NEK11: variants seen among roughly 807,000 people sequenced by gnomAD.
NEK11 encodes serine/threonine-protein kinase Nek11.
NEK11 carries 72 observed loss-of-function variants against 80.7 expected under a neutral mutation model. The ratio of observed to expected loss-of-function variants is 0.89; its 90% CI spans 0.74 to 1.08. The LOEUF (loss-of-function observed/expected upper bound fraction) is 1.08, where lower values mean the gene tolerates loss of function less well. Among genes scored for constraint, NEK11 ranks in the 50% least tolerant of loss-of-function variants. The probability of loss-of-function intolerance (pLI) is 0.00; values close to 1 mark genes in which losing one functional copy is unlikely to be tolerated. For missense variants in NEK11, 764 were observed against 763.6 expected (o/e 1.00, Z -0.01); for synonymous variants, 251 against 260.7 (o/e 0.96, Z 0.36).
rs115712751 is a variant in NEK11, at chr3:131,172,696, A to T, written c.1399+1809A>T. On this transcript the variant is annotated intron_variant, in intron 14 of 17. Transcript: ENST00000383366. ...GAAATGTCAGAGACATTAGAACCAG[A>T]GCGACTCCATCTTGAATAAGAGCTG... Among the ~76,000 whole-genome samples the T allele has an allele frequency of 3.5e-3, 528 of 152,264 alleles. 1 individual carries two copies. The highest frequency in any genetic ancestry group is 0.012 in the African/African-American group (502 of 41,554).
At chr3:131,165,136 T>A (rs2092079774) in intron 11 of NEK11, 1 of 318,352 alleles carries the variant, frequency 3.1e-6, no homozygotes, top group African/African-American at 2.1e-5. Context: ...TGGGAACACA[T>A]AGCCCTGTCA....
chr3:131,343,102 A>AT (rs1429743979), intron 17 of NEK11, among the ~76,000 whole-genome samples: 3 of 152,158 alleles, frequency 2.0e-5, no homozygotes, highest in African/African-American at 7.2e-5. Context: ...TTTGTTGGGA[A>AT]TAGAGATCAA....
At chr3:131,238,111 A>G (rs11928796) in intron 15 of NEK11, among the ~76,000 whole-genome samples, 6,349 of 152,108 alleles carry the variant, frequency 0.042, 191 homozygotes, top group East Asian at 0.085. Flanking sequence ...TGCTCTTCCC[A>G]CCAGATACAC....
intron 16 of NEK11, among the ~76,000 whole-genome samples, chr3:131,245,588 G>T (rs1472925749): frequency 6.6e-6 from 1 of 151,730 alleles, no homozygotes; most frequent in East Asian, 1.9e-4. Context: ...CTTTTTCTCT[G>T]TATCCTCATC....
At chr3:131,125,434 AT>A (rs1449970808) in intron 5 of NEK11, among the ~76,000 whole-genome samples, 1 of 152,212 alleles carries the variant, frequency 6.6e-6, no homozygotes, top group Non-Finnish European at 1.5e-5. Context: ...TTTGGTGGGC[AT>A]GTAACTGAGA....
Position 131,349,708 on chromosome 3 carries a change from C to T in NEK11, c.1870C>T (p.Leu624Phe), listed in dbSNP as rs2097426161. 1 of 1,614,210 alleles carries T rather than the reference C, an allele frequency of 6.2e-7. No homozygotes were observed. The highest frequency in any genetic ancestry group is 8.5e-7 in the Non-Finnish European group (1 of 1,180,032). ...QASDCFEVDQ[L>F]LYFEEQLLIT... ...CAGCGACTGTTTTGAAGTGGACCAG[C>T]TCCTGTACTTTGAAGAGCAGTTGCT... Residue 624 changes from leucine (L) to phenylalanine (F), a missense_variant, in exon 18 of 18, where the codon CTC becomes TTC. Transcript: ENST00000383366.
intron 11 of NEK11, among the ~76,000 whole-genome samples, chr3:131,164,305 C>T (rs1031378913): frequency 1.3e-5 from 2 of 152,140 alleles, no homozygotes; most frequent in Non-Finnish European, 2.9e-5. Flanking sequence ...AATATGATAC[C>T]ATTTAATATT....
At chr3:131,206,708 T>C (rs1335714803) in intron 14 of NEK11, among the ~76,000 whole-genome samples, 4 of 152,238 alleles carry the variant, frequency 2.6e-5, no homozygotes, top group Non-Finnish European at 4.4e-5. Context: ...CTAGGGTACA[T>C]GTGCACAACG....
In NEK11 at chr3:131,081,929, C is replaced by T. The variant is rs189215913; in HGVS notation, c.336+1341C>T. Among the ~76,000 whole-genome samples, 5 of 152,300 alleles carry T rather than the reference C, an allele frequency of 3.3e-5. No homozygotes were observed. In the East Asian group the frequency reaches 9.6e-4, roughly 29 times the overall value. On this transcript the variant is annotated intron_variant, in intron 4 of 17. Transcript: ENST00000383366. ...GCTTTACACATTAGCTGATGTATCA[C>T]CCAAAATGAAACCAATAGCCAAGTT...
intron 15 of NEK11, among the ~76,000 whole-genome samples, chr3:131,237,055 T>C (rs1298445742): frequency 5.9e-5 from 9 of 152,084 alleles, no homozygotes; most frequent in Non-Finnish European, 1.2e-4. Flanking sequence ...AAAAAGTAGG[T>C]GGGGCTGGGT....
intron 17 of NEK11, among the ~76,000 whole-genome samples, chr3:131,340,473 T>C (rs562944580): frequency 6.6e-6 from 1 of 152,256 alleles, no homozygotes; most frequent in South Asian, 2.1e-4. Context: ...TAAGTAGATG[T>C]GATAAAATGT....
At chr3:131,057,125 A>C (rs2069691239) in intron 3 of NEK11, among the ~76,000 whole-genome samples, 1 of 142,742 alleles carries the variant, frequency 7.0e-6, no homozygotes, top group African/African-American at 2.6e-5. Context: ...TCTATGAGTG[A>C]GAACACGCGG....
At chr3:131,046,498 T>C (rs1343078901) in intron 3 of NEK11, among the ~76,000 whole-genome samples, 2 of 152,226 alleles carry the variant, frequency 1.3e-5, no homozygotes, top group East Asian at 1.9e-4. Flanking sequence ...TTTTCCTTTA[T>C]AGGTTACTTG....
Position 131,113,910 on chromosome 3 carries a change from C to CA in NEK11, c.455+4008dup, listed in dbSNP as rs35868059. Among the ~76,000 whole-genome samples the CA allele has an allele frequency of 7.8e-3, 790 of 101,500 alleles. 7 individuals carry two copies. Among genetic ancestry groups the CA allele is most frequent in the South Asian group, 0.046 (141 of 3,098 alleles). The allele number at this position is 101,500 out of a possible 152,430, so 66.6% of individuals were successfully genotyped here. ...TGGGTGACAGTGCAAGACTCCCTCT[C>CA]AAAAAAAAAAAAAAAAAAAGGCAAT... On this transcript the variant is annotated intron_variant, in intron 5 of 17. Coordinates refer to ENST00000383366, the MANE Select transcript of NEK11 (RefSeq NM_024800.5).
chr3:131,123,986 A>G lies in NEK11; in HGVS notation c.456-8759A>G, dbSNP rs559384294. Among the ~76,000 whole-genome samples the G allele has an allele frequency of 5.3e-5, 8 of 152,258 alleles. No homozygotes were observed. In the South Asian group the frequency reaches 1.7e-3, roughly 32 times the overall value. On this transcript the variant is annotated intron_variant, in intron 5 of 17. Transcript: ENST00000383366. Reference sequence around the variant, plus strand: ...GCTGAGCAGTATTCTCTGGGGTTCTAGTTCTTTCTCTTTATTCCACCATTC... The same window carrying G: ...GCTGAGCAGTATTCTCTGGGGTTCTGGTTCTTTCTCTTTATTCCACCATTC...
chr3:131,084,929 AG>A (rs1402300530), intron 4 of NEK11, among the ~76,000 whole-genome samples: 3 of 152,216 alleles, frequency 2.0e-5, no homozygotes, highest in Non-Finnish European at 2.9e-5. Context: ...AAAATTCAAA[AG>A]GAGAGAATAG....
intron 3 of NEK11, among the ~76,000 whole-genome samples, chr3:131,035,275 G>A (rs779932107): frequency 1.3e-5 from 2 of 152,180 alleles, no homozygotes; most frequent in Non-Finnish European, 2.9e-5. Flanking sequence ...AAGATAGGGG[G>A]CCAAGAGTTG....
At chr3:131,235,617 C>T (rs1262635913) in intron 15 of NEK11, among the ~76,000 whole-genome samples, 1 of 152,056 alleles carries the variant, frequency 6.6e-6, no homozygotes, top group Non-Finnish European at 1.5e-5. Flanking sequence ...CTATGTCATC[C>T]CTGGGAAAAC....
chr3:131,269,157 G>A lies in NEK11; in HGVS notation c.1622-4321G>A, dbSNP rs533788787. Among the ~76,000 whole-genome samples the A allele has an allele frequency of 3.6e-3, 541 of 152,350 alleles. 3 individuals carry two copies. The highest frequency in any genetic ancestry group is 0.012 in the African/African-American group (499 of 41,592). ...CATCCCAGGTTGACTTCAGACTGCT[G>A]TGCTGGCAGTGCAAATTTCAAGCTG... On this transcript the variant is annotated intron_variant, in intron 16 of 17. Transcript: ENST00000383366.
Sources: allele counts gnomAD v4.1 joint callset (sites outside exome capture counted in the v4.1 genomes callset), GRCh38; gene constraint gnomAD v4.1.1; transcripts MANE v1.5; gene names NCBI Gene and HGNC (gene_info 2026-07-23, HGNC 2026-07-21).